Variants in DMD observed in about 807,000 individuals in gnomAD.
DMD encodes mutant dystrophin.
DMD carries 63 observed loss-of-function variants against 330.1 expected under a neutral mutation model. That is an observed-to-expected ratio of 0.19 (90% confidence interval 0.16 to 0.24). The LOEUF is 0.24. Among genes scored for constraint, DMD ranks in the 10% least tolerant of loss-of-function variants. The pLI is 1.00. For missense variants in DMD, 3,344 were observed against 2,684.1 expected (o/e 1.25, Z -5.43); for synonymous variants, 1,223 against 959.8 (o/e 1.27, Z -5.07).
At chrX:32,083,761 T>C (rs1025314168) in intron 44 of DMD, among the ~76,000 whole-genome samples, 1 of 112,520 alleles carries the variant, frequency 8.9e-6, no homozygotes, top group East Asian at 2.8e-4. Context: ...AGATCAACCA[T>C]TGAAAATTAA....
intron 9 of DMD, among the ~76,000 whole-genome samples, chrX:32,655,945 G>A (rs1163446897): frequency 9.1e-6 from 1 of 109,457 alleles, no homozygotes; most frequent in Admixed American, 9.6e-5. Flanking sequence ...TGTTTTATCA[G>A]ACACTAGGAT....
At chrX:32,431,049 CTCAT>C (rs1266439804) in intron 29 of DMD, among the ~76,000 whole-genome samples, 1 of 111,549 alleles carries the variant, frequency 9.0e-6, no homozygotes, top group African/African-American at 3.3e-5. Context: ...CCTTGTGATT[CTCAT>C]TCAATTTCCT....
At chrX:31,919,870 C>T (rs1871481418) in intron 47 of DMD, among the ~76,000 whole-genome samples, 2 of 112,379 alleles carry the variant, frequency 1.8e-5, no homozygotes, top group South Asian at 7.3e-4. Context: ...ATCCAGCTTA[C>T]TTTCAGATAA....
intron 44 of DMD, among the ~76,000 whole-genome samples, chrX:32,003,703 G>A (rs1237216668): frequency 1.8e-5 from 2 of 111,152 alleles, no homozygotes; most frequent in Middle Eastern, 4.6e-3. Flanking sequence ...AATCAACAGT[G>A]CTTTTTCTCA....
intron 7 of DMD, among the ~76,000 whole-genome samples, chrX:32,712,967 G>T (rs767611297): frequency 9.0e-6 from 1 of 111,045 alleles, no homozygotes; most frequent in Non-Finnish European, 1.9e-5. Context: ...ACAGTTGAAG[G>T]CTTTATTAGC....
intron 51 of DMD, among the ~76,000 whole-genome samples, chrX:31,741,209 A>ATTT (rs2087311078): frequency 1.8e-5 from 2 of 111,835 alleles, no homozygotes; most frequent in African/African-American, 3.3e-5. Context: ...CCTCAAAGTC[A>ATTT]TTGATGAGTG....
At chrX:32,621,161 T>G (rs1386813446) in intron 11 of DMD, among the ~76,000 whole-genome samples, 1 of 111,497 alleles carries the variant, frequency 9.0e-6, no homozygotes, top group African/African-American at 3.3e-5. Context: ...AGTGCAGTAC[T>G]GGACAACTGT....
At chrX:32,687,609 C>T (rs972991101) in intron 9 of DMD, among the ~76,000 whole-genome samples, 1 of 111,198 alleles carries the variant, frequency 9.0e-6, no homozygotes, top group African/African-American at 3.3e-5. Context: ...CAGCCAACTG[C>T]CCTGGCTGAA....
chrX:33,307,084 C>T (rs2053774300), intron 1 of DMD, among the ~76,000 whole-genome samples: 1 of 110,952 alleles, frequency 9.0e-6, no homozygotes, highest in Non-Finnish European at 1.9e-5. Context: ...CAGAGAGAGT[C>T]CAGATGATGA....
intron 37 of DMD, among the ~76,000 whole-genome samples, chrX:32,362,118 A>C (rs191029571): frequency 1.5e-4 from 17 of 112,017 alleles, no homozygotes; most frequent in Admixed American, 7.6e-4. Context: ...GGTTCTTCTT[A>C]AACAGTAATA....
At chrX:33,019,091 T>C (rs893064238) in intron 2 of DMD, among the ~76,000 whole-genome samples, 3 of 111,775 alleles carry the variant, frequency 2.7e-5, no homozygotes, top group African/African-American at 9.7e-5. Flanking sequence ...AAAATGTTTG[T>C]CATAGAAAAG....
At chrX:32,609,500 G>A (rs1322614333) in intron 12 of DMD, among the ~76,000 whole-genome samples, 1 of 110,855 alleles carries the variant, frequency 9.0e-6, no homozygotes, top group African/African-American at 3.3e-5. Flanking sequence ...ATTCTTCACA[G>A]CACCCATGTG....
intron 55 of DMD, among the ~76,000 whole-genome samples, chrX:31,571,093 A>C (rs1177790515): frequency 9.0e-6 from 1 of 111,718 alleles, no homozygotes; most frequent in Non-Finnish European, 1.9e-5. Flanking sequence ...TTTATGAAAA[A>C]ATCAATACTT....
chrX:32,654,361 G>A (rs972288722), intron 9 of DMD, among the ~76,000 whole-genome samples: 33 of 111,565 alleles, frequency 3.0e-4, no homozygotes, highest in African/African-American at 1.0e-3. Context: ...TTAGCATGAA[G>A]GTTGTTGAAT....
At chrX:33,331,827 C>A (rs768874145) in intron 1 of DMD, among the ~76,000 whole-genome samples, 2 of 111,356 alleles carry the variant, frequency 1.8e-5, no homozygotes, top group Admixed American at 9.6e-5. Context: ...TAGGCTGTAA[C>A]CCCAAAGCTC....
chrX:32,727,957 A>G (rs1233727221), intron 7 of DMD, among the ~76,000 whole-genome samples: 2 of 111,598 alleles, frequency 1.8e-5, no homozygotes. Flanking sequence ...CTTGTCAGGA[A>G]AAAATGAGCT....
intron 2 of DMD, among the ~76,000 whole-genome samples, chrX:32,913,257 C>G (rs1374108143): frequency 8.9e-6 from 1 of 111,808 alleles, no homozygotes; most frequent in Non-Finnish European, 1.9e-5. Flanking sequence ...AACAGTTTTC[C>G]TGCCGAAGGG....
intron 42 of DMD, among the ~76,000 whole-genome samples, chrX:32,288,985 T>C (rs1243812900): frequency 1.8e-5 from 2 of 111,790 alleles, no homozygotes; most frequent in South Asian, 3.8e-4. Flanking sequence ...TGGGCATGTA[T>C]TGGAATCAGC....
At chrX:33,173,320 T>C (rs2049460715) in intron 1 of DMD, among the ~76,000 whole-genome samples, 2 of 111,611 alleles carry the variant, frequency 1.8e-5, no homozygotes, top group South Asian at 7.4e-4. Flanking sequence ...AAATCATGAA[T>C]TTATTGTTTT....
Sources: allele counts gnomAD v4.1 joint callset (sites outside exome capture counted in the v4.1 genomes callset), GRCh38; gene constraint gnomAD v4.1.1; transcripts MANE v1.5; gene names NCBI Gene and HGNC (gene_info 2026-07-23, HGNC 2026-07-21).